The following RNF157 variants were observed in gnomAD, a reference collection of about 807,000 sequenced individuals.
RNF157 encodes the protein E3 ubiquitin ligase RNF157.
In RNF157, 55 loss-of-function variants were observed where a neutral mutation model predicts 88.3. That is an observed-to-expected ratio of 0.62 (90% CI 0.50 to 0.78). The LOEUF (loss-of-function observed/expected upper bound fraction) is 0.78, where lower values mean the gene tolerates loss of function less well. Among genes scored for constraint, RNF157 ranks in the 30% least tolerant of loss-of-function variants. RNF157 has a pLI of 0.00. For missense variants in RNF157, 788 were observed against 860.8 expected, an observed-to-expected ratio of 0.92 and a Z score of 1.06; for synonymous variants, 334 against 341.2, an observed-to-expected ratio of 0.98 and a Z score of 0.23.
At chr17:76,166,958 C>T in intron 5 of RNF157, 51 bp downstream of exon 5, 1 of 1,306,234 alleles carries the variant, frequency 7.7e-7, no homozygotes, top group Non-Finnish European at 1.1e-6. Flanking sequence ...CCTAAGTAGC[C>T]CCTAGGCCCT....
chr17:76,145,262 G>C lies in RNF157; in HGVS notation c.2013C>G (p.Pro671=). 2 of 1,607,144 alleles carry C rather than the reference G, an allele frequency of 1.2e-6. No individual in the cohort carries two copies. Among genetic ancestry groups the C allele is most frequent in the Non-Finnish European group, 1.7e-6 (2 of 1,177,262 alleles). ...AGACAGCCAAAGGGCCCCACACACA[G>C]GGCCTCGTCTCAGAGTCCTCCAGGC... ...SSSLEDSETR[P]CVWGPLAV Residue 671 remains proline, a synonymous_variant, in exon 19 of 19, where the codon CCC becomes CCG. Coordinates refer to ENST00000269391, the MANE Select transcript of RNF157 (RefSeq NM_052916.3).
At chr17:76,213,910 A>G (rs2069845099) in intron 1 of RNF157, among the ~76,000 whole-genome samples, 1 of 152,218 alleles carries the variant, frequency 6.6e-6, no homozygotes, top group Admixed American at 6.5e-5. Flanking sequence ...ACATGCCCAG[A>G]GACGGCATAG....
Position 76,226,691 on chromosome 17 carries a change from T to A in RNF157, c.88+13462A>T, listed in dbSNP as rs2070093382. Reference sequence around the variant, plus strand: ...ATGAGGTTTGAAGTGCTTGGCCACCTCCACGTAGTCATCTAAGAGACCTAT... The same window carrying A: ...ATGAGGTTTGAAGTGCTTGGCCACCACCACGTAGTCATCTAAGAGACCTAT... On this transcript the variant is annotated intron_variant, in intron 1 of 18. Transcript: ENST00000269391. The A allele has an allele frequency of 2.5e-6, 4 of 1,611,922 alleles. No individual in the cohort carries two copies. In the Admixed American group the frequency reaches 6.7e-5, roughly 27 times the overall value.
chr17:76,157,365 G>T lies in RNF157; in HGVS notation c.1413+1028C>A, dbSNP rs1159710997. On this transcript the variant is annotated intron_variant, in intron 13 of 18. Coordinates refer to ENST00000269391, the MANE Select transcript of RNF157 (RefSeq NM_052916.3). This position sits in a 1 kb window ranked among gnomAD's most constrained non-coding sequence, Gnocchi z 5.6. ...GCACACTGCGGTCGGGTGGGCCTTTGGGGTGTGAAGCACTCACTGTGCCCC... is the reference window on the plus strand; with the variant it reads ...GCACACTGCGGTCGGGTGGGCCTTTTGGGTGTGAAGCACTCACTGTGCCCC... Among the ~76,000 whole-genome samples, 1 of 152,202 alleles carries T rather than the reference G, an allele frequency of 6.6e-6. No individual in the cohort carries two copies. Among genetic ancestry groups the T allele is most frequent in the African/African-American group, 2.4e-5 (1 of 41,454 alleles).
intron 2 of RNF157, among the ~76,000 whole-genome samples, chr17:76,206,449 A>G (rs2069683602): frequency 6.6e-6 from 1 of 152,190 alleles, no homozygotes; most frequent in South Asian, 2.1e-4. Context: ...GTTCCTTTAT[A>G]TAAGGGACCA....
Position 76,240,028 on chromosome 17 carries a change from C to G in RNF157, c.88+125G>C. The G allele has an allele frequency of 2.6e-6, 1 of 389,954 alleles. No individual in the cohort carries two copies. The highest frequency in any genetic ancestry group is 4.1e-6 in the Non-Finnish European group (1 of 244,930). The allele number at this position is 389,954 out of a possible 1,614,324, so 24.2% of individuals were successfully genotyped here. A position where few individuals can be genotyped will look rare whatever the true frequency, so the allele number is the denominator to read the frequency against. ...TCGAAGACCTCCCGCGCTCGAAGAC[C>G]GTTTCGGAGCGTCCGCAACCACTGA... On this transcript the variant is annotated intron_variant, in intron 1 of 18. Transcript: ENST00000269391. The surrounding 1 kb of genome is among the most constrained non-coding windows in gnomAD (Gnocchi z 4.4).
rs140445220 is a variant in RNF157 at position 76,161,739 on chromosome 17, G to A, written c.953-92C>T. On this transcript the variant is annotated intron_variant, in intron 10 of 18. Transcript: ENST00000269391. The surrounding 1 kb of genome is among the most constrained non-coding windows in gnomAD (Gnocchi z 4.6). The stretch of plus-strand genomic sequence containing the variant: ...CAGAAACCATGATCCCTCCCAGCGC[G>A]CATCCGTTTGTCAGATCCAGCAGCA... The A allele has an allele frequency of 4.3e-4, 650 of 1,515,052 alleles. 6 individuals carry two copies. The African/African-American group carries it at 7.3e-3, about 17-fold the overall frequency. 93.9% of individuals were successfully genotyped at this position (1,515,052 alleles called of 1,614,324 possible).
At chr17:76,152,099 G>C (rs1434827489) in intron 18 of RNF157, among the ~76,000 whole-genome samples, 1 of 152,178 alleles carries the variant, frequency 6.6e-6, no homozygotes, top group Non-Finnish European at 1.5e-5. Context: ...AGAGTGGTTA[G>C]GCCAAATCGT....
chr17:76,193,087 G>A (rs1001023449), intron 2 of RNF157, among the ~76,000 whole-genome samples: 2 of 152,128 alleles, frequency 1.3e-5, no homozygotes, highest in African/African-American at 4.8e-5. Flanking sequence ...CCAACATGCT[G>A]GGATTACAGG....
At chr17:76,177,630 C>A (rs1395772003) in intron 2 of RNF157, among the ~76,000 whole-genome samples, 2 of 151,864 alleles carry the variant, frequency 1.3e-5, no homozygotes, top group African/African-American at 4.8e-5. Flanking sequence ...GGAGTGGGAA[C>A]TTGTGTTGCC....
In RNF157 at chr17:76,240,034, G is replaced by A. The variant is rs8070711; in HGVS notation, c.88+119C>T. The A allele has an allele frequency of 4.8e-6, 2 of 417,174 alleles. No individual in the cohort carries two copies. Among genetic ancestry groups the A allele is most frequent in the Non-Finnish European group, 7.4e-6 (2 of 270,398 alleles). 25.8% of individuals were successfully genotyped at this position (417,174 alleles called of 1,614,324 possible). On this transcript the variant is annotated intron_variant, in intron 1 of 18. Coordinates refer to ENST00000269391, the MANE Select transcript of RNF157 (RefSeq NM_052916.3). This position sits in a 1 kb window ranked among gnomAD's most constrained non-coding sequence, Gnocchi z 4.4. Reference sequence around the variant, plus strand: ...ACCTCCCGCGCTCGAAGACCGTTTCGGAGCGTCCGCAACCACTGAGTCCCC... The same window carrying A: ...ACCTCCCGCGCTCGAAGACCGTTTCAGAGCGTCCGCAACCACTGAGTCCCC...
intron 3 of RNF157, among the ~76,000 whole-genome samples, chr17:76,169,579 GTT>G (rs558817508): frequency 0.19 from 25,318 of 133,222 alleles, 2,222 homozygotes; most frequent in Middle Eastern, 0.26. Flanking sequence ...GCCTAGTTAG[GTT>G]TTTTTTTTTT....
At chr17:76,192,953 C>T (rs1310560167) in intron 2 of RNF157, among the ~76,000 whole-genome samples, 3 of 151,734 alleles carry the variant, frequency 2.0e-5, no homozygotes, top group South Asian at 2.1e-4. Context: ...ACTTCAGCCA[C>T]GTGAGTAACA....
intron 2 of RNF157, among the ~76,000 whole-genome samples, chr17:76,186,171 C>T (rs185959949): frequency 1.3e-5 from 2 of 152,012 alleles, no homozygotes; most frequent in East Asian, 3.9e-4. Context: ...TGAAAAACTC[C>T]AAGCTGTCCT....
chr17:76,147,243 T>C (rs2144785043), intron 18 of RNF157: 18 of 984,702 alleles, frequency 1.8e-5, no homozygotes, highest in South Asian at 4.7e-5. Flanking sequence ...TGTTTGTTCA[T>C]TTATATAATT....
chr17:76,155,253 T>C lies in RNF157; in HGVS notation c.1763A>G (p.Glu588Gly), dbSNP rs1002087847. ...AGLPAGEQDA[E>G]GNDVIEEEDG... ...ACCACTCCGTGCTGTTGGGGTTACCTCTGCATCCTGCTCTCCAGCTGGGAG... is the reference window on the plus strand; with the variant it reads ...ACCACTCCGTGCTGTTGGGGTTACCCCTGCATCCTGCTCTCCAGCTGGGAG... The change falls in exon 16 of 19, where the codon GAG (glutamate) becomes GGG (glycine). Residue 588 changes from glutamate to glycine, a missense_variant and splice_region_variant. By Grantham distance (98) the Glu-to-Gly change is moderately conservative (BLOSUM62 -2). Coordinates refer to ENST00000269391, the MANE Select transcript of RNF157 (RefSeq NM_052916.3). 1.2e-6 allele frequency: 2 copies of C among 1,614,024 alleles called. No individual in the cohort carries two copies. Among genetic ancestry groups the C allele is most frequent in the Admixed American group, 3.3e-5 (2 of 60,024 alleles).
chr17:76,164,665 AAG>A (rs1288526089), intron 8 of RNF157, 81 bp downstream of exon 8: 1 of 799,656 alleles, frequency 1.3e-6, no homozygotes. Context: ...AAAATAAAAA[AAG>A]AGGGAGAGAG....
intron 2 of RNF157, among the ~76,000 whole-genome samples, chr17:76,206,073 T>G (rs796792552): frequency 1.5e-4 from 23 of 151,740 alleles, no homozygotes; most frequent in African/African-American, 5.3e-4. Flanking sequence ...CTATAGAAAT[T>G]TTTTTTAAAA....
rs111864495 is a variant in RNF157 at position 76,215,757 on chromosome 17, A to G, written c.89-3275T>C. Among the ~76,000 whole-genome samples, 958 of 152,316 alleles carry G rather than the reference A, an allele frequency of 6.3e-3. 7 individuals are homozygous for G. Among genetic ancestry groups the G allele is most frequent in the African/African-American group, 0.021 (886 of 41,558 alleles). On this transcript the variant is annotated intron_variant, in intron 1 of 18. Transcript: ENST00000269391. ...CAACTATTGAATTAAACAAGCAGGAAAACATTCTTTGAGAGTAATAATGCA... is the reference window on the plus strand; with the variant it reads ...CAACTATTGAATTAAACAAGCAGGAGAACATTCTTTGAGAGTAATAATGCA...
Sources: allele counts gnomAD v4.1 joint callset (sites outside exome capture counted in the v4.1 genomes callset), GRCh38; gene constraint gnomAD v4.1.1; non-coding constraint Gnocchi (gnomAD v3.1); transcripts MANE v1.5; gene names NCBI Gene and HGNC (gene_info 2026-07-23, HGNC 2026-07-21).